The following DCHS2 variants were observed in gnomAD, a reference collection of about 807,000 sequenced individuals.
DCHS2 encodes dachsous cadherin-related 2.
A neutral mutation model predicts 182.4 loss-of-function variants in DCHS2; 142 were observed. The observed-to-expected ratio is 0.78, with a 90% CI of 0.68 to 0.89. DCHS2 has a LOEUF of 0.89. Among genes scored for constraint, DCHS2 ranks in the 40% least tolerant of loss-of-function variants. The pLI is 0.00. For synonymous variants in DCHS2, 1,740 were observed against 1,663.3 expected (o/e 1.05, Z -1.12); for missense variants, 4,319 against 4,198.6 (o/e 1.03, Z -0.79).
In DCHS2 at chr4:154,237,069, T is replaced by C. The variant is rs765539153; in HGVS notation, c.7583A>G (p.Asp2528Gly). ...CTCCACTAAAGTAAGAGCTCTCAGGTCAGGATTTCCACCATCACTGGCTTC... is the reference window on the plus strand; with the variant it reads ...CTCCACTAAAGTAAGAGCTCTCAGGCCAGGATTTCCACCATCACTGGCTTC... ...LVEASDGGNP[D>G]LRALTLVEIG... The change falls in exon 20 of 20, where the codon GAC becomes GGC. Residue 2528 changes from aspartate to glycine, a missense_variant. Physicochemically the swap from Asp to Gly is moderately conservative, Grantham distance 94. Transcript: ENST00000357232. 1 of 1,613,914 alleles carries C rather than the reference T, an allele frequency of 6.2e-7. No homozygotes were observed.
intron 1 of DCHS2, among the ~76,000 whole-genome samples, chr4:154,428,526 G>A (rs116042738): frequency 0.018 from 2,671 of 152,090 alleles, 66 homozygotes; most frequent in African/African-American, 0.061. Flanking sequence ...GTAACAAAGT[G>A]AGACCCTGTC....
intron 3 of DCHS2, chr4:154,343,707 T>C: frequency 2.3e-6 from 3 of 1,324,166 alleles, no homozygotes; most frequent in Non-Finnish European, 2.9e-6. Flanking sequence ...GGGAATGATG[T>C]GGCTGCTTTG....
intron 1 of DCHS2, among the ~76,000 whole-genome samples, chr4:154,380,104 G>A (rs564426435): frequency 2.6e-5 from 4 of 152,158 alleles, no homozygotes; most frequent in African/African-American, 4.8e-5. Flanking sequence ...CGAAATGTTA[G>A]TAGTGCCTAG....
chr4:154,374,823 A>G (rs1028988187), intron 2 of DCHS2, among the ~76,000 whole-genome samples: 2 of 152,146 alleles, frequency 1.3e-5, no homozygotes, highest in Non-Finnish European at 2.9e-5. Context: ...GGTCTTCAAA[A>G]TGTATAAGTG....
intron 10 of DCHS2, among the ~76,000 whole-genome samples, chr4:154,305,762 T>C (rs1735421587): frequency 6.6e-6 from 1 of 152,206 alleles, no homozygotes; most frequent in African/African-American, 2.4e-5. Flanking sequence ...AGAAATGTGG[T>C]ACCACATTAT....
intron 7 of DCHS2, among the ~76,000 whole-genome samples, chr4:154,325,309 T>C (rs542949930): frequency 2.1e-5 from 3 of 142,124 alleles, no homozygotes; most frequent in East Asian, 4.0e-4. Context: ...TATAGCAGGA[T>C]TATAGCCGTG....
chr4:154,413,987 A>AATCTTATTC (rs1732729316), intron 1 of DCHS2, among the ~76,000 whole-genome samples: 1 of 152,156 alleles, frequency 6.6e-6, no homozygotes, highest in Non-Finnish European at 1.5e-5. Context: ...GATCTAAAAT[A>AATCTTATTC]ATCTTATTCA....
chr4:154,441,425 G>A (rs924065147), intron 1 of DCHS2, among the ~76,000 whole-genome samples: 2 of 152,152 alleles, frequency 1.3e-5, no homozygotes, highest in African/African-American at 2.4e-5. Flanking sequence ...TCAAATACAT[G>A]TAAAGTCTAT....
At chr4:154,423,476 A>G (rs533032124) in intron 1 of DCHS2, among the ~76,000 whole-genome samples, 1 of 152,348 alleles carries the variant, frequency 6.6e-6, no homozygotes, top group South Asian at 2.1e-4. Context: ...ACCAGAAACC[A>G]TGTCTCATTG....
At chr4:154,381,434 C>T (rs1731163966) in intron 1 of DCHS2, among the ~76,000 whole-genome samples, 1 of 152,040 alleles carries the variant, frequency 6.6e-6, no homozygotes, top group Non-Finnish European at 1.5e-5. Flanking sequence ...GAAGTCCTAG[C>T]CAGAGCAATC....
intron 13 of DCHS2, chr4:154,272,055 A>T (rs1733625560): frequency 6.6e-6 from 1 of 152,186 alleles, no homozygotes; most frequent in African/African-American, 2.4e-5. Flanking sequence ...TCTTTTGCTC[A>T]GCATTTTTTG....
intron 3 of DCHS2, among the ~76,000 whole-genome samples, chr4:154,345,656 C>T (rs1415063765): frequency 1.4e-5 from 1 of 73,464 alleles, no homozygotes; most frequent in Non-Finnish European, 2.6e-5. Flanking sequence ...TTTCTGTTTT[C>T]CTGTTTTTGT....
At position 154,232,727 on chromosome 4, in the gene DCHS2, G is replaced by A. The variant is rs1157852398; in HGVS notation, c.*1809C>T. On this transcript the variant is annotated 3_prime_UTR_variant, in exon 20 of 20. Coordinates refer to ENST00000357232, the MANE Select transcript of DCHS2 (RefSeq NM_001358235.2). ...CTGGAACACATAAATGATTAAATATGTGTGGGTTTTTTTTTTACATAAGTC... is the reference window on the plus strand; with the variant it reads ...CTGGAACACATAAATGATTAAATATATGTGGGTTTTTTTTTTACATAAGTC... 1.3e-5 allele frequency: 2 copies of A among 149,086 alleles called. No homozygotes were observed. Among genetic ancestry groups the A allele is most frequent in the South Asian group, 2.1e-4 (1 of 4,794 alleles). The allele number at this position is 149,086 out of a possible 1,614,324, so 9.2% of individuals were successfully genotyped here.
chr4:154,237,330 GT>G, intron 19 of DCHS2, 171 bp from the exon 20 acceptor site: 3 of 893,630 alleles, frequency 3.4e-6, no homozygotes, highest in Non-Finnish European at 4.8e-6. Context: ...GTATTTATAT[GT>G]TTATAACATG....
intron 1 of DCHS2, among the ~76,000 whole-genome samples, chr4:154,415,137 T>A (rs1732783909): frequency 6.6e-6 from 1 of 152,222 alleles, no homozygotes; most frequent in African/African-American, 2.4e-5. Flanking sequence ...AGGGACCTGA[T>A]ATAACTGATG....
chr4:154,243,565 C>T (rs1358939272), intron 16 of DCHS2, among the ~76,000 whole-genome samples: 5 of 152,158 alleles, frequency 3.3e-5, no homozygotes, highest in Admixed American at 3.3e-4. Flanking sequence ...ACCTTCAGAG[C>T]CCTCATGTAT....
At chr4:154,254,116 G>A (rs1388456025) in intron 16 of DCHS2, among the ~76,000 whole-genome samples, 1 of 152,162 alleles carries the variant, frequency 6.6e-6, no homozygotes, top group African/African-American at 2.4e-5. Flanking sequence ...AACATCCTCA[G>A]GAGGTGCTTG....
intron 1 of DCHS2, among the ~76,000 whole-genome samples, chr4:154,449,713 G>T (rs1241013907): frequency 6.6e-6 from 1 of 152,162 alleles, no homozygotes; most frequent in Admixed American, 6.5e-5. Flanking sequence ...ACAAGTAAAA[G>T]CTGAAAATGT....
chr4:154,397,493 G>C (rs1418042530), intron 1 of DCHS2, among the ~76,000 whole-genome samples: 1 of 152,114 alleles, frequency 6.6e-6, no homozygotes, highest in Non-Finnish European at 1.5e-5. Context: ...AAATAAAAAA[G>C]TTCACTTATA....
Sources: allele counts gnomAD v4.1 joint callset (sites outside exome capture counted in the v4.1 genomes callset), GRCh38; gene constraint gnomAD v4.1.1; transcripts MANE v1.5; gene names NCBI Gene and HGNC (gene_info 2026-07-23, HGNC 2026-07-21).